Variants in PTPRM observed in about 807,000 individuals in gnomAD.
PTPRM encodes protein tyrosine phosphatase receptor type M.
A neutral mutation model predicts 186.7 loss-of-function variants in PTPRM; 47 were observed. The ratio of observed to expected loss-of-function variants is 0.25; its 90% confidence interval spans 0.20 to 0.32. The LOEUF (loss-of-function observed/expected upper bound fraction) is 0.32. PTPRM is among the 10% of genes least tolerant of loss of function. The pLI is 1.00. For missense variants in PTPRM, 1,494 were observed against 1,865.0 expected (o/e 0.80, Z 3.66); for synonymous variants, 668 against 674.9 (o/e 0.99, Z 0.16).
intron 7 of PTPRM, among the ~76,000 whole-genome samples, chr18:7,960,945 G>A (rs2053640678): frequency 6.6e-6 from 1 of 152,264 alleles, no homozygotes; most frequent in South Asian, 2.1e-4. Context: ...CGAGTTTTAA[G>A]TGTACAGTTA....
chr18:7,803,143 A>T (rs2044061006), intron 2 of PTPRM, among the ~76,000 whole-genome samples: 1 of 152,192 alleles, frequency 6.6e-6, no homozygotes, highest in African/African-American at 2.4e-5. Flanking sequence ...TGTTGTAACA[A>T]GTTACCACAC....
chr18:8,313,684 C>T (rs1273348358), intron 20 of PTPRM, among the ~76,000 whole-genome samples: 3 of 151,824 alleles, frequency 2.0e-5, no homozygotes, highest in Admixed American at 2.0e-4. Flanking sequence ...TTTTGGCGCA[C>T]CCGTCACCCA....
chr18:7,932,241 C>G (rs1568032081), intron 5 of PTPRM, among the ~76,000 whole-genome samples: 2 of 152,152 alleles, frequency 1.3e-5, no homozygotes, highest in Non-Finnish European at 2.9e-5. Flanking sequence ...GAGTGAATAG[C>G]AGTTGGCAGT....
rs540139685 is a variant in PTPRM, at chr18:7,829,287, A to G, written c.196+55016A>G. Among the ~76,000 whole-genome samples the G allele has an allele frequency of 3.9e-5, 6 of 152,338 alleles. No individual in the cohort carries two copies. In the South Asian group the frequency reaches 1.2e-3, roughly 32 times the overall value. ...CAGGAAACTTGTATCTATGTACATA[A>G]TAATTACATATTTGCTTTCCTTAGA... On this transcript the variant is annotated intron_variant, in intron 2 of 32. Transcript: ENST00000580170.
At chr18:8,186,735 G>A (rs1303729909) in intron 14 of PTPRM, among the ~76,000 whole-genome samples, 1 of 152,294 alleles carries the variant, frequency 6.6e-6, no homozygotes, top group Admixed American at 6.5e-5. Flanking sequence ...AGGTGACATG[G>A]GGGAAACTGA....
chr18:8,289,617 T>G (rs765616145), intron 19 of PTPRM, among the ~76,000 whole-genome samples: 1 of 109,288 alleles, frequency 9.2e-6, no homozygotes, highest in Non-Finnish European at 1.8e-5. Flanking sequence ...CATATATATA[T>G]ACACATATAT....
chr18:8,359,103 C>A (rs202199045), intron 23 of PTPRM, among the ~76,000 whole-genome samples: 2 of 151,524 alleles, frequency 1.3e-5, no homozygotes, highest in Non-Finnish European at 3.0e-5. Context: ...TTTAAAAAGA[C>A]AAAAAAAGCA....
intron 1 of PTPRM, among the ~76,000 whole-genome samples, chr18:7,689,837 G>C (rs1055019590): frequency 6.6e-6 from 1 of 152,044 alleles, no homozygotes; most frequent in Non-Finnish European, 1.5e-5. Context: ...TCATATTGGT[G>C]GTTTACACTC....
chr18:7,732,143 A>C (rs2027670), intron 1 of PTPRM, among the ~76,000 whole-genome samples: 56,938 of 152,022 alleles, frequency 0.37, 12,445 homozygotes, highest in East Asian at 0.83. Flanking sequence ...AAGGAAAAGG[A>C]GTACACAGGT....
intron 19 of PTPRM, among the ~76,000 whole-genome samples, chr18:8,285,489 G>A (rs1310320746): frequency 6.6e-6 from 1 of 152,184 alleles, no homozygotes; most frequent in Non-Finnish European, 1.5e-5. Context: ...TGAATTGCAG[G>A]TGAGAAAGTG....
At chr18:8,084,336 A>C (rs2090318058) in intron 9 of PTPRM, among the ~76,000 whole-genome samples, 1 of 152,186 alleles carries the variant, frequency 6.6e-6, no homozygotes, top group Non-Finnish European at 1.5e-5. Context: ...CCAAGTAATC[A>C]TACAGCGGTT....
chr18:8,395,498 T>C (rs1176947241), intron 32 of PTPRM, among the ~76,000 whole-genome samples: 1 of 152,208 alleles, frequency 6.6e-6, no homozygotes, highest in Non-Finnish European at 1.5e-5. Context: ...GGCTGGCTAA[T>C]AGTAGTGACC....
chr18:8,384,809 A>C (rs1036977000), intron 30 of PTPRM, 123 bp downstream of exon 30: 100 of 1,205,870 alleles, frequency 8.3e-5, no homozygotes, highest in Non-Finnish European at 1.1e-4. Flanking sequence ...TCAGTGAACC[A>C]AAAAAACATA....
At chr18:7,958,207 CAAAA>C (rs534178363) in intron 7 of PTPRM, among the ~76,000 whole-genome samples, 5 of 115,296 alleles carry the variant, frequency 4.3e-5, no homozygotes, top group Non-Finnish European at 7.1e-5. Context: ...CCATCCCCTG[CAAAA>C]AAAAAAAAAA....
chr18:8,186,785 G>T (rs1423661695), intron 14 of PTPRM, among the ~76,000 whole-genome samples: 1 of 152,172 alleles, frequency 6.6e-6, no homozygotes, highest in Non-Finnish European at 1.5e-5. Context: ...TACATTTGAG[G>T]TTCAAAGACA....
At chr18:7,603,891 C>A (rs774774735) in intron 1 of PTPRM, among the ~76,000 whole-genome samples, 12 of 152,178 alleles carry the variant, frequency 7.9e-5, no homozygotes, top group Non-Finnish European at 1.6e-4. Flanking sequence ...GGTTTTAGGT[C>A]TGACACACTG....
intron 14 of PTPRM, among the ~76,000 whole-genome samples, chr18:8,176,756 G>A (rs1340505050): frequency 6.6e-6 from 1 of 152,332 alleles, no homozygotes; most frequent in East Asian, 1.9e-4. Context: ...CTGAAGGCCA[G>A]TCAGGGAAAA....
Position 8,240,497 on chromosome 18 carries a change from GAGAGGAAGGAAGGA to G in PTPRM, c.2301-3558_2301-3545del, listed in dbSNP as rs1299461750. Among the ~76,000 whole-genome samples, 443 of 71,502 alleles carry G rather than the reference GAGAGGAAGGAAGGA, an allele frequency of 6.2e-3. 5 individuals carry two copies. The highest frequency in any genetic ancestry group is 0.029 in the African/African-American group (408 of 14,140). 46.9% of individuals were successfully genotyped at this position (71,502 alleles called of 152,430 possible). On this transcript the variant is annotated intron_variant, in intron 14 of 32. Transcript: ENST00000580170. ...AGGGAGGGGAGGAGAGAGAGAGAGAGAGAGGAAGGAAGGAAGGAAGGAAGGAAGGAAGGAAGGAA... is the reference window on the plus strand; with the variant it reads ...AGGGAGGGGAGGAGAGAGAGAGAGAGAGGAAGGAAGGAAGGAAGGAAGGAA...
At chr18:8,239,047 A>G (rs528525680) in intron 14 of PTPRM, among the ~76,000 whole-genome samples, 317 of 149,106 alleles carry the variant, frequency 2.1e-3, no homozygotes, top group African/African-American at 7.3e-3. Flanking sequence ...CACAATGTGC[A>G]GGTTAGTTAC....
Sources: allele counts gnomAD v4.1 joint callset (sites outside exome capture counted in the v4.1 genomes callset), GRCh38; gene constraint gnomAD v4.1.1; transcripts MANE v1.5; gene names NCBI Gene and HGNC (gene_info 2026-07-23, HGNC 2026-07-21).